The following SUCO variants were observed in gnomAD, a reference collection of about 807,000 sequenced individuals.
The protein encoded by SUCO is SUN domain-containing ossification factor.
SUCO carries 57 observed loss-of-function variants against 148.1 expected under a neutral mutation model. That is an observed-to-expected ratio of 0.38 (90% CI 0.31 to 0.48). The LOEUF is 0.48. SUCO is among the 20% of genes least tolerant of loss of function. The probability of loss-of-function intolerance (pLI) is 0.96; values close to 1 mark genes in which losing one functional copy is unlikely to be tolerated. For synonymous variants in SUCO, 470 were observed against 502.7 expected, an observed-to-expected ratio of 0.93 and a Z score of 0.87; for missense variants, 1,331 against 1,468.2, an observed-to-expected ratio of 0.91 and a Z score of 1.53.
intron 23 of SUCO, chr1:172,609,452 T>C (rs1221202163): frequency 1.1e-6 from 1 of 912,130 alleles, no homozygotes; most frequent in Non-Finnish European, 1.3e-6. Flanking sequence ...CTTGCTTTTC[T>C]CATTTAAGAA....
At chr1:172,532,572 T>G, upstream of SUCO, 1 of 1,613,896 alleles carries the variant, frequency 6.2e-7, no homozygotes, top group Non-Finnish European at 8.5e-7. Context: ...GCAGCTTCCC[T>G]CACAACACAC....
chr1:172,557,839 A>G, intron 6 of SUCO, 45 bp downstream of exon 6: 1 of 1,413,166 alleles, frequency 7.1e-7, no homozygotes, highest in Non-Finnish European at 9.6e-7. Flanking sequence ...TATGTAATGC[A>G]TTTTTGTTAT....
intron 9 of SUCO, among the ~76,000 whole-genome samples, chr1:172,571,320 C>G (rs374565118): frequency 2.0e-5 from 3 of 152,192 alleles, no homozygotes; most frequent in Non-Finnish European, 2.9e-5. Flanking sequence ...CTCGGCCTCC[C>G]GAGGTGCCGG....
rs573936581 is a variant in SUCO, at chr1:172,588,715, G to A, written c.1659-45G>A. ...TTTTCTTTAACATATTTCAACTTTA[G>A]ACTTCTAAGTAAGTGATTTATAATT... On this transcript the variant is annotated intron_variant, in intron 17 of 23. Coordinates refer to ENST00000263688, the MANE Select transcript of SUCO (RefSeq NM_014283.5). The A allele has an allele frequency of 2.5e-5, 33 of 1,310,230 alleles. No homozygotes were observed. In the East Asian group the frequency reaches 7.3e-4, roughly 29 times the overall value. 81.2% of individuals were successfully genotyped at this position (1,310,230 alleles called of 1,614,324 possible). A position where few individuals can be genotyped will look rare whatever the true frequency, so the allele number is the denominator to read the frequency against.
At position 172,539,179 on chromosome 1, in the gene SUCO, A is replaced by G. The variant is rs73032193; in HGVS notation, c.62+5682A>G. Among the ~76,000 whole-genome samples the G allele has an allele frequency of 1.5e-3, 235 of 152,332 alleles. 1 individual carries two copies. Among genetic ancestry groups the G allele is most frequent in the African/African-American group, 5.4e-3 (224 of 41,568 alleles). ...GTATAATTAATATTCTTATGCTTAT[A>G]ATGAAAGGGAAACTTATAAAAATTT... On this transcript the variant is annotated intron_variant, in intron 1 of 23. Coordinates refer to ENST00000263688, the MANE Select transcript of SUCO (RefSeq NM_014283.5).
In SUCO at chr1:172,557,635, T is replaced by C. The variant is rs1653848219; in HGVS notation, c.582-9T>C. The C allele has an allele frequency of 5.1e-6, 8 of 1,581,160 alleles. No homozygotes were observed. The South Asian group carries it at 9.4e-5, about 19-fold the overall frequency. ...CTGTTTATTTAATATATCTTTTGGT[T>C]TTAAACAGCCTTGTTGGCCAGCATA... On this transcript the variant is annotated splice_polypyrimidine_tract_variant and intron_variant, in intron 5 of 23. Coordinates refer to ENST00000263688, the MANE Select transcript of SUCO (RefSeq NM_014283.5).
chr1:172,606,093 A>G (rs1477622298), intron 22 of SUCO, among the ~76,000 whole-genome samples: 3 of 151,564 alleles, frequency 2.0e-5, no homozygotes, highest in Non-Finnish European at 4.4e-5. Flanking sequence ...TGCATTTTTA[A>G]TACCAGTTGC....
intron 1 of SUCO, among the ~76,000 whole-genome samples, chr1:172,535,417 G>GGGT (rs1178104317): frequency 6.6e-6 from 1 of 152,196 alleles, no homozygotes; most frequent in African/African-American, 2.4e-5. Flanking sequence ...GTTTTTTAAA[G>GGGT]GGTGATGATG....
At chr1:172,575,902 G>A (rs1655401673) in intron 11 of SUCO, among the ~76,000 whole-genome samples, 1 of 151,778 alleles carries the variant, frequency 6.6e-6, no homozygotes, top group Non-Finnish European at 1.5e-5. Context: ...TATGCAAAAT[G>A]TCATCTTCAT....
intron 9 of SUCO, among the ~76,000 whole-genome samples, chr1:172,573,092 A>G (rs1246186848): frequency 6.6e-6 from 1 of 152,210 alleles, no homozygotes; most frequent in Non-Finnish European, 1.5e-5. Flanking sequence ...ATAATAAACT[A>G]CATGTCAAAG....
Position 172,609,952 on chromosome 1 carries a change from T to C in SUCO, c.3458T>C (p.Val1153Ala), listed in dbSNP as rs1658110728. 1 of 1,613,698 alleles carries C rather than the reference T, an allele frequency of 6.2e-7. No individual in the cohort carries two copies. The change falls in exon 24 of 24, where the codon GTT becomes GCT. Residue 1153 changes from valine (V) to alanine (A), a missense_variant. Transcript: ENST00000263688. ...NQRDFSNMGE[V>A]YHSSYKGPPS... ...AGAGATTTTTCTAATATGGGAGAAG[T>C]TTATCACTCTTCTTATAAAGGTCCT...
chr1:172,594,123 C>G (rs1429557076), intron 19 of SUCO, among the ~76,000 whole-genome samples: 4 of 152,000 alleles, frequency 2.6e-5, no homozygotes, highest in Non-Finnish European at 4.4e-5. Context: ...GTGGTGATAT[C>G]CCCTTTATCA....
chr1:172,591,125 T>C (rs1656622926), intron 19 of SUCO, 54 bp downstream of exon 19: 10 of 1,367,872 alleles, frequency 7.3e-6, no homozygotes, highest in Non-Finnish European at 1.0e-5. Flanking sequence ...CTGAATTCTG[T>C]AGGGTCTCAC....
intron 1 of SUCO, 138 bp from the exon 2 acceptor site, chr1:172,551,374 A>G: frequency 2.2e-6 from 1 of 448,278 alleles, no homozygotes; most frequent in Non-Finnish European, 4.0e-6. Flanking sequence ...AAATTGTTAA[A>G]AGGTATTAGG....
In SUCO at chr1:172,585,963, G is replaced by A; in HGVS notation, c.1658+15G>A. On this transcript the variant is annotated intron_variant, in intron 17 of 23. Coordinates refer to ENST00000263688, the MANE Select transcript of SUCO (RefSeq NM_014283.5). Reference sequence around the variant, plus strand: ...CCATCTCCTGAGTAAGTTATAATGTGATATTAAATAGAATTTTGTTACAAT... The same window carrying A: ...CCATCTCCTGAGTAAGTTATAATGTAATATTAAATAGAATTTTGTTACAAT... The A allele has an allele frequency of 6.6e-7, 1 of 1,513,830 alleles. No individual in the cohort carries two copies. The highest frequency in any genetic ancestry group is 9.0e-7 in the Non-Finnish European group (1 of 1,110,314). The allele number at this position is 1,513,830 out of a possible 1,614,324, so 93.8% of individuals were successfully genotyped here.
At chr1:172,538,689 A>G (rs559885155) in intron 1 of SUCO, among the ~76,000 whole-genome samples, 1 of 152,306 alleles carries the variant, frequency 6.6e-6, no homozygotes, top group Admixed American at 6.5e-5. Context: ...TAAACCAATG[A>G]AAGATGACCT....
intron 1 of SUCO, chr1:172,541,809 C>T (rs1033448646): frequency 3.1e-6 from 3 of 971,932 alleles, no homozygotes; most frequent in Admixed American, 6.1e-5. Context: ...TCTTGGAGCA[C>T]ACTGTCACTG....
At chr1:172,588,351 A>G (rs2149259696) in intron 17 of SUCO, 1 of 985,398 alleles carries the variant, frequency 1.0e-6, no homozygotes, top group African/African-American at 1.7e-5. Flanking sequence ...AAGCTAGTTT[A>G]TTAAGCTAGC....
At chr1:172,564,243 A>C (rs755326408) in intron 6 of SUCO, among the ~76,000 whole-genome samples, 15 of 152,240 alleles carry the variant, frequency 9.9e-5, no homozygotes, top group Non-Finnish European at 1.6e-4. Flanking sequence ...GCACTGCCTA[A>C]TGGAGCTGTG....
Sources: gnomAD v4.1 joint callset for allele counts (sites outside exome capture counted in the v4.1 genomes callset) on GRCh38, gnomAD v4.1.1 for gene constraint, MANE v1.5 for transcripts, NCBI Gene and HGNC (gene_info 2026-07-23, HGNC 2026-07-21) for gene names.